The following SPINK9 variants were observed in gnomAD, a reference collection of about 807,000 sequenced individuals.
SPINK9 encodes serine protease inhibitor Kazal-type 9.
In SPINK9, 3 loss-of-function variants were observed where a neutral mutation model predicts 10.8. That is an observed-to-expected ratio of 0.28 (90% CI 0.13 to 0.72). SPINK9 has a LOEUF of 0.72. SPINK9 is among the 30% of genes least tolerant of loss of function. The probability of loss-of-function intolerance (pLI) is 0.74; values close to 1 mark genes in which losing one functional copy is unlikely to be tolerated. For synonymous variants in SPINK9, 30 were observed against 31.2 expected (o/e 0.96, Z 0.12); for missense variants, 101 against 103.2 (o/e 0.98, Z 0.09).
chr5:148,328,971 C>T (rs929080293), intron 2 of SPINK9, among the ~76,000 whole-genome samples: 3 of 151,868 alleles, frequency 2.0e-5, no homozygotes, highest in Admixed American at 2.0e-4. Context: ...TCTCTTTTTT[C>T]GTTGTGTCTC....
At chr5:148,329,412 C>T (rs190500322) in intron 2 of SPINK9, among the ~76,000 whole-genome samples, 1 of 152,096 alleles carries the variant, frequency 6.6e-6, no homozygotes, top group East Asian at 1.9e-4. Context: ...CTTTATTAGT[C>T]TTGCTAGCCG....
upstream of SPINK9, among the ~76,000 whole-genome samples, chr5:148,332,638 C>T (rs547696028): frequency 7.7e-4 from 117 of 152,282 alleles, 3 homozygotes; most frequent in South Asian, 0.023. Context: ...GTTAAACAGG[C>T]TTTCTCCCTC....
At chr5:148,335,890 C>T (rs78908455) in intron 1 of SPINK9, among the ~76,000 whole-genome samples, 8,607 of 152,174 alleles carry the variant, frequency 0.057, 624 homozygotes, top group African/African-American at 0.16. Flanking sequence ...CATGAGAATA[C>T]TTTGTATAAT....
chr5:148,324,705 T>C (rs577434765), intron 2 of SPINK9, among the ~76,000 whole-genome samples: 2 of 150,346 alleles, frequency 1.3e-5, no homozygotes, highest in Admixed American at 1.3e-4. Context: ...TGATCCTGAA[T>C]GGGTCTTATT....
exon 2 of SPINK9, chr5:148,323,706 A>G (rs1325368727): frequency 1.5e-6 from 1 of 647,012 alleles, no homozygotes; most frequent in African/African-American, 1.8e-5. Flanking sequence ...AAGTGATTTC[A>G]TTGAGATTTG....
intron 2 of SPINK9, among the ~76,000 whole-genome samples, chr5:148,329,140 T>G (rs1221634796): frequency 6.6e-6 from 1 of 152,068 alleles, no homozygotes; most frequent in African/African-American, 2.4e-5. Context: ...GTCCTGGACT[T>G]TTTTTTGTTT....
intron 2 of SPINK9, among the ~76,000 whole-genome samples, chr5:148,337,149 T>C (rs984692598): frequency 6.6e-6 from 1 of 152,124 alleles, no homozygotes; most frequent in East Asian, 1.9e-4. Flanking sequence ...TGAGAGGATG[T>C]AAAGGATTAC....
At chr5:148,322,346 C>G (rs560062683) in intron 1 of SPINK9, among the ~76,000 whole-genome samples, 2 of 152,212 alleles carry the variant, frequency 1.3e-5, no homozygotes, top group South Asian at 4.1e-4. Context: ...ACATGAAGAT[C>G]AGGTAAAGAT....
At chr5:148,325,378 T>C (rs1316404774) in intron 2 of SPINK9, among the ~76,000 whole-genome samples, 1 of 152,138 alleles carries the variant, frequency 6.6e-6, no homozygotes, top group Non-Finnish European at 1.5e-5. Flanking sequence ...TACATTTTCA[T>C]TTACATTTAT....
At chr5:148,321,791 G>T (rs1027515962) in intron 1 of SPINK9, among the ~76,000 whole-genome samples, 1 of 152,080 alleles carries the variant, frequency 6.6e-6, no homozygotes, top group Non-Finnish European at 1.5e-5. Flanking sequence ...GAAAAGCATT[G>T]TTTCCCAATG....
chr5:148,323,791 A>T (rs1241519910), exon 2 of SPINK9: 1 of 701,156 alleles, frequency 1.4e-6, no homozygotes, highest in Admixed American at 2.0e-5. Flanking sequence ...TTTCATTATA[A>T]AACTCCACCA....
intron 1 of SPINK9, among the ~76,000 whole-genome samples, chr5:148,323,385 G>A (rs1757020782): frequency 6.6e-6 from 1 of 152,046 alleles, no homozygotes. Context: ...AGCTTGTAAG[G>A]CAATAGATGT....
chr5:148,322,279 T>A (rs1757007976), intron 1 of SPINK9, among the ~76,000 whole-genome samples: 1 of 152,226 alleles, frequency 6.6e-6, no homozygotes, highest in African/African-American at 2.4e-5. Flanking sequence ...TGGGAGCTCA[T>A]CTTTACCCCT....
intron 2 of SPINK9, among the ~76,000 whole-genome samples, chr5:148,324,779 CAG>C (rs145833356): frequency 9.3e-5 from 14 of 150,148 alleles, no homozygotes; most frequent in East Asian, 3.9e-4. Flanking sequence ...TTTGTACCCT[CAG>C]AGAGAGAGAG....
chr5:148,322,297 G>T (rs1380206008), intron 1 of SPINK9, among the ~76,000 whole-genome samples: 1 of 152,108 alleles, frequency 6.6e-6, no homozygotes, highest in Non-Finnish European at 1.5e-5. Context: ...CCTGTGTGTG[G>T]TACACATAGA....
At chr5:148,323,946 C>A in intron 2 of SPINK9, 1 of 627,978 alleles carries the variant, frequency 1.6e-6, no homozygotes, top group Non-Finnish European at 2.9e-6. Context: ...AGAATAATCA[C>A]CCCTAATTAG....
chr5:148,328,944 G>T lies in SPINK9; in HGVS notation c.118+5076G>T, dbSNP rs969729549. 2.6e-5 allele frequency among the ~76,000 whole-genome samples: 4 copies of T among 152,134 alleles called. No individual in the cohort carries two copies. The South Asian group carries it at 8.3e-4, about 32-fold the overall frequency. ...GGATTTTTGCATCAATGTTCATCAAGGATATTGGTCTAAAATTCTCTTTTT... is the reference window on the plus strand; with the variant it reads ...GGATTTTTGCATCAATGTTCATCAATGATATTGGTCTAAAATTCTCTTTTT... On this transcript the variant is annotated intron_variant, in intron 2 of 4. Coordinates refer to the SPINK9 transcript ENST00000511717.
chr5:148,331,038 G>T (rs140380610), upstream of SPINK9, among the ~76,000 whole-genome samples: 847 of 152,234 alleles, frequency 5.6e-3, 33 homozygotes, highest in East Asian at 0.1. Flanking sequence ...GCACTTCCTG[G>T]GTGAGGTGAT....
At chr5:148,330,854 A>G (rs1028005233), upstream of SPINK9, among the ~76,000 whole-genome samples, 1 of 152,198 alleles carries the variant, frequency 6.6e-6, no homozygotes, top group Non-Finnish European at 1.5e-5. Context: ...TCTGGCTTAT[A>G]GAGTTTCTCC....
Sources: allele counts gnomAD v4.1 joint callset (sites outside exome capture counted in the v4.1 genomes callset), GRCh38; gene constraint gnomAD v4.1.1; transcripts MANE v1.5; gene names NCBI Gene and HGNC (gene_info 2026-07-23, HGNC 2026-07-21).